The following NRG1 variants were observed in gnomAD, a reference collection of about 807,000 sequenced individuals.
NRG1 encodes the protein pro-neuregulin-1, membrane-bound isoform.
NRG1 carries 18 observed loss-of-function variants against 63.8 expected under a neutral mutation model. The ratio of observed to expected loss-of-function variants is 0.28; its 90% CI spans 0.19 to 0.42. NRG1 has a LOEUF of 0.42. Ranked by LOEUF, NRG1 falls within the 10% of genes least tolerant of loss-of-function variation. The pLI is 1.00. For synonymous variants in NRG1, 302 were observed against 301.3 expected, an observed-to-expected ratio of 1.00 and a Z score of -0.02; for missense variants, 762 against 814.7, an observed-to-expected ratio of 0.94 and a Z score of 0.79.
chr8:32,126,663 C>T (rs531886422), intron 1 of NRG1, among the ~76,000 whole-genome samples: 4 of 151,898 alleles, frequency 2.6e-5, no homozygotes, highest in Non-Finnish European at 5.9e-5. Flanking sequence ...TTAATGCAAA[C>T]AATGACCCAG....
chr8:32,002,638 T>A (rs1334705784), intron 1 of NRG1, among the ~76,000 whole-genome samples: 1 of 152,068 alleles, frequency 6.6e-6, no homozygotes, highest in African/African-American at 2.4e-5. Context: ...CTATGACTCT[T>A]TTAATTGGGG....
chr8:32,068,776 C>T (rs1563749173), intron 1 of NRG1, among the ~76,000 whole-genome samples: 2 of 152,152 alleles, frequency 1.3e-5, no homozygotes, highest in African/African-American at 2.4e-5. Context: ...GTATTGATAT[C>T]GAAGTATGCT....
At chr8:32,102,853 CAATTACA>C (rs1439993363) in intron 1 of NRG1, among the ~76,000 whole-genome samples, 10 of 151,926 alleles carry the variant, frequency 6.6e-5, no homozygotes, top group Non-Finnish European at 1.3e-4. Context: ...ACTTCATCCA[CAATTACA>C]ATGTCTTGGT....
chr8:32,119,389 A>G (rs1833149826), intron 1 of NRG1, among the ~76,000 whole-genome samples: 1 of 152,110 alleles, frequency 6.6e-6, no homozygotes, highest in African/African-American at 2.4e-5. Flanking sequence ...CACAGTTGCA[A>G]TGCCTTTCCA....
intron 1 of NRG1, among the ~76,000 whole-genome samples, chr8:32,542,062 A>T (rs1038544874): frequency 5.3e-5 from 8 of 152,156 alleles, no homozygotes; most frequent in African/African-American, 1.9e-4. Context: ...ACTTTGTTAG[A>T]GTATCTTTGC....
intron 1 of NRG1, among the ~76,000 whole-genome samples, chr8:32,455,644 T>C (rs1587747663): frequency 6.6e-6 from 1 of 152,210 alleles, no homozygotes; most frequent in African/African-American, 2.4e-5. Context: ...AAGCAATCAC[T>C]GAATAGTTTT....
chr8:32,273,476 G>C (rs1299162985), intron 1 of NRG1, among the ~76,000 whole-genome samples: 6 of 151,918 alleles, frequency 3.9e-5, no homozygotes, highest in Non-Finnish European at 5.9e-5. Context: ...TAATTTTTTT[G>C]AACTGAAAGG....
chr8:31,933,893 A>C (rs1032654217), intron 1 of NRG1, among the ~76,000 whole-genome samples: 6 of 152,166 alleles, frequency 3.9e-5, no homozygotes, highest in African/African-American at 1.4e-4. Context: ...TTATAATACC[A>C]ACCAGAATAG....
chr8:32,448,935 T>C (rs1359080588), intron 1 of NRG1, among the ~76,000 whole-genome samples: 1 of 152,032 alleles, frequency 6.6e-6, no homozygotes, highest in Non-Finnish European at 1.5e-5. Context: ...GTGAGGAGGA[T>C]TGGGAGGTGA....
At chr8:31,664,816 G>GC (rs1364447308) in intron 1 of NRG1, among the ~76,000 whole-genome samples, 1 of 152,160 alleles carries the variant, frequency 6.6e-6, no homozygotes, top group African/African-American at 2.4e-5. Flanking sequence ...GTTAATCAAG[G>GC]CCATAGACTG....
intron 5 of NRG1, among the ~76,000 whole-genome samples, chr8:32,712,887 T>C (rs1355430099): frequency 6.6e-6 from 1 of 152,134 alleles, no homozygotes; most frequent in Non-Finnish European, 1.5e-5. Context: ...ACAGAGCTTG[T>C]AAAATACAGC....
intron 1 of NRG1, among the ~76,000 whole-genome samples, chr8:32,281,625 GT>G (rs774687549): frequency 1.3e-5 from 2 of 152,064 alleles, no homozygotes; most frequent in Non-Finnish European, 2.9e-5. Context: ...TTGGTTCTCT[GT>G]TCTTGCATTA....
At chr8:32,520,314 G>A (rs1830216905) in intron 1 of NRG1, among the ~76,000 whole-genome samples, 1 of 150,998 alleles carries the variant, frequency 6.6e-6, no homozygotes, top group Non-Finnish European at 1.5e-5. Flanking sequence ...GTGCCACCTT[G>A]TCCAGCTACT....
intron 1 of NRG1, among the ~76,000 whole-genome samples, chr8:32,359,013 A>G (rs2129480931): frequency 6.6e-6 from 1 of 152,292 alleles, no homozygotes; most frequent in African/African-American, 2.4e-5. Flanking sequence ...AAAGGAAGAA[A>G]CGATTGATGC....
At chr8:32,504,974 C>T (rs987682348) in intron 1 of NRG1, among the ~76,000 whole-genome samples, 3 of 152,126 alleles carry the variant, frequency 2.0e-5, no homozygotes, top group African/African-American at 4.8e-5. Context: ...AGATGGCCCT[C>T]AGGTCCTTGA....
chr8:31,849,500 G>A (rs1410619161), intron 1 of NRG1, among the ~76,000 whole-genome samples: 3 of 152,232 alleles, frequency 2.0e-5, no homozygotes, highest in Non-Finnish European at 4.4e-5. Context: ...TGGTCACCAT[G>A]ATGGTGCAAC....
At chr8:31,823,998 CTCT>C (rs1824257864) in intron 1 of NRG1, among the ~76,000 whole-genome samples, 2 of 151,850 alleles carry the variant, frequency 1.3e-5, no homozygotes, top group Non-Finnish European at 2.9e-5. Context: ...TTAGCAGTTT[CTCT>C]TCTTCTATTT....
chr8:32,012,049 A>G (rs1016343979), intron 1 of NRG1, among the ~76,000 whole-genome samples: 1 of 152,112 alleles, frequency 6.6e-6, no homozygotes, highest in Non-Finnish European at 1.5e-5. Context: ...TTTCTTGACC[A>G]GTCTCACTTG....
At chr8:32,663,239 A>T (rs1180823876) in intron 5 of NRG1, among the ~76,000 whole-genome samples, 1 of 152,142 alleles carries the variant, frequency 6.6e-6, no homozygotes, top group Non-Finnish European at 1.5e-5. Context: ...CATCTTTTAA[A>T]CTTTATTTCA....
Sources: allele counts gnomAD v4.1 joint callset (sites outside exome capture counted in the v4.1 genomes callset), GRCh38; gene constraint gnomAD v4.1.1; transcripts MANE v1.5; gene names NCBI Gene and HGNC (gene_info 2026-07-23, HGNC 2026-07-21).